Variants in HPCAL1 observed in about 807,000 individuals in gnomAD.
HPCAL1 encodes the protein hippocalcin like 1.
Under a neutral mutation model 17.1 loss-of-function variants are expected in HPCAL1, and 8 were observed. The observed-to-expected ratio is 0.47, with a 90% CI of 0.27 to 0.84. The LOEUF is 0.84. Among genes scored for constraint, HPCAL1 ranks in the 40% least tolerant of loss-of-function variants. The pLI, the probability that HPCAL1 is intolerant of heterozygous loss-of-function variation, is 0.13. For missense variants in HPCAL1, 165 were observed against 271.1 expected, an observed-to-expected ratio of 0.61 and a Z score of 2.75; for synonymous variants, 112 against 111.4, an observed-to-expected ratio of 1.01 and a Z score of -0.03.
rs57797300 is a variant in HPCAL1 at position 10,341,883 on chromosome 2, C to T, written c.-111+38706C>T. Among the ~76,000 whole-genome samples the T allele has an allele frequency of 6.9e-4, 105 of 152,134 alleles. 1 individual carries two copies. Among genetic ancestry groups the T allele is most frequent in the African/African-American group, 2.3e-3 (95 of 41,498 alleles). ...TATTTCAAAGTTTCTCTGGGCTGGGCGTGCTGGCTCACACGTGTAATCCCA... is the reference window on the plus strand; with the variant it reads ...TATTTCAAAGTTTCTCTGGGCTGGGTGTGCTGGCTCACACGTGTAATCCCA... On this transcript the variant is annotated intron_variant, in intron 1 of 4. Coordinates refer to ENST00000307845, the MANE Select transcript of HPCAL1 (RefSeq NM_002149.4).
chr2:10,417,784 G>A (rs765111846), intron 2 of HPCAL1, among the ~76,000 whole-genome samples: 2 of 152,110 alleles, frequency 1.3e-5, no homozygotes, highest in Non-Finnish European at 2.9e-5. Context: ...GCTCACGGCT[G>A]TAGTCCCAAC....
intron 1 of HPCAL1, among the ~76,000 whole-genome samples, chr2:10,392,570 T>C (rs897894030): frequency 6.6e-6 from 1 of 152,214 alleles, no homozygotes; most frequent in African/African-American, 2.4e-5. Flanking sequence ...ATTGAGTTCT[T>C]TCTATGTACC....
intron 1 of HPCAL1, among the ~76,000 whole-genome samples, chr2:10,353,628 C>T (rs1665963007): frequency 6.6e-6 from 1 of 152,226 alleles, no homozygotes. Flanking sequence ...AGTGCAGTGA[C>T]ATGATCAGGG....
At chr2:10,340,991 A>G (rs1224324345) in intron 1 of HPCAL1, among the ~76,000 whole-genome samples, 1 of 152,124 alleles carries the variant, frequency 6.6e-6, no homozygotes, top group Non-Finnish European at 1.5e-5. Context: ...TAGATACTAT[A>G]TTGGATATGT....
chr2:10,387,047 C>T (rs935814372), intron 1 of HPCAL1, among the ~76,000 whole-genome samples: 3 of 152,148 alleles, frequency 2.0e-5, no homozygotes, highest in Non-Finnish European at 2.9e-5. Context: ...CTGTGTCGCC[C>T]GGGGCAAGTG....
At chr2:10,403,454 TTGTGTGTG>T (rs70948890) in intron 2 of HPCAL1, among the ~76,000 whole-genome samples, 1,112 of 65,018 alleles carry the variant, frequency 0.017, 10 homozygotes, top group South Asian at 0.042. Flanking sequence ...AAGAGTTCTT[TTGTGTGTG>T]TGTGTGTGTG....
At chr2:10,341,720 G>T (rs1442173847) in intron 1 of HPCAL1, among the ~76,000 whole-genome samples, 1 of 152,112 alleles carries the variant, frequency 6.6e-6, no homozygotes, top group Non-Finnish European at 1.5e-5. Flanking sequence ...GGTGGAAGGG[G>T]GCAGGAGAGT....
intron 1 of HPCAL1, among the ~76,000 whole-genome samples, chr2:10,373,926 G>A (rs933767764): frequency 6.6e-6 from 1 of 152,168 alleles, no homozygotes; most frequent in Non-Finnish European, 1.5e-5. Context: ...GGGCTTCTGC[G>A]GGGTTGGCTT....
intron 2 of HPCAL1, among the ~76,000 whole-genome samples, chr2:10,407,031 C>T (rs942680127): frequency 8.5e-5 from 13 of 152,104 alleles, no homozygotes; most frequent in Admixed American, 5.2e-4. Flanking sequence ...TCTATGATGA[C>T]GCCGCACTGG....
intron 4 of HPCAL1, chr2:10,425,245 C>T (rs894141176): frequency 1.3e-5 from 2 of 153,260 alleles, no homozygotes; most frequent in African/African-American, 4.8e-5. Context: ...GCTGGCTGCC[C>T]TGAGTGGTCA....
intron 1 of HPCAL1, among the ~76,000 whole-genome samples, chr2:10,312,425 AT>A (rs1331299490): frequency 6.7e-6 from 1 of 150,250 alleles, no homozygotes; most frequent in Non-Finnish European, 1.5e-5. Context: ...CGTCATCACC[AT>A]CATCATCACT....
At chr2:10,361,817 A>G (rs1331713242) in intron 1 of HPCAL1, among the ~76,000 whole-genome samples, 1 of 151,906 alleles carries the variant, frequency 6.6e-6, no homozygotes, top group Non-Finnish European at 1.5e-5. Flanking sequence ...CCCAGGTTCA[A>G]GCAATTTTCC....
At chr2:10,339,672 A>G (rs544841035) in intron 1 of HPCAL1, among the ~76,000 whole-genome samples, 18 of 152,314 alleles carry the variant, frequency 1.2e-4, no homozygotes, top group African/African-American at 4.3e-4. Context: ...TTTACAGTAA[A>G]AAGTTTAAAA....
intron 1 of HPCAL1, among the ~76,000 whole-genome samples, chr2:10,372,435 C>G (rs911231800): frequency 6.6e-6 from 1 of 150,952 alleles, no homozygotes; most frequent in Admixed American, 6.6e-5. Flanking sequence ...AATCCCCCCC[C>G]AGGAGCTCCC....
intron 1 of HPCAL1, among the ~76,000 whole-genome samples, chr2:10,346,485 T>C (rs909962625): frequency 2.6e-5 from 4 of 152,162 alleles, no homozygotes; most frequent in African/African-American, 9.7e-5. Context: ...CTCTTTCAAT[T>C]GGGAGGCAGT....
intron 3 of HPCAL1, among the ~76,000 whole-genome samples, chr2:10,422,142 G>A (rs765641300): frequency 2.6e-5 from 4 of 152,152 alleles, no homozygotes; most frequent in Non-Finnish European, 5.9e-5. Flanking sequence ...CCCAAACCAA[G>A]TCCCCAAACC....
intron 1 of HPCAL1, among the ~76,000 whole-genome samples, chr2:10,315,253 A>G (rs1199336361): frequency 3.3e-5 from 5 of 151,540 alleles, no homozygotes; most frequent in East Asian, 3.9e-4. Context: ...AGATCGCGCC[A>G]CTGCACTCCA....
chr2:10,410,378 C>A (rs1670271353), intron 2 of HPCAL1, among the ~76,000 whole-genome samples: 1 of 151,418 alleles, frequency 6.6e-6, no homozygotes, highest in African/African-American at 2.4e-5. Flanking sequence ...CTATTTCTCA[C>A]AGGGCTCCCC....
At chr2:10,325,071 G>C (rs1215308776) in intron 1 of HPCAL1, among the ~76,000 whole-genome samples, 1 of 151,282 alleles carries the variant, frequency 6.6e-6, no homozygotes, top group East Asian at 1.9e-4. Context: ...GACCTCAAGT[G>C]ATCCACCCAC....
Sources: gnomAD v4.1 joint callset for allele counts (sites outside exome capture counted in the v4.1 genomes callset) on GRCh38, gnomAD v4.1.1 for gene constraint, MANE v1.5 for transcripts, NCBI Gene and HGNC (gene_info 2026-07-23, HGNC 2026-07-21) for gene names.